The following CDH13 variants were observed in gnomAD, a reference collection of about 807,000 sequenced individuals.
CDH13 encodes the protein cadherin-13.
In CDH13, 24 loss-of-function variants were observed where a neutral mutation model predicts 63.8. That is an observed-to-expected ratio of 0.38 (90% confidence interval 0.27 to 0.53). The LOEUF is 0.53. Ranked by LOEUF, CDH13 falls within the 20% of genes least tolerant of loss-of-function variation. The probability of loss-of-function intolerance (pLI) is 0.85; values close to 1 mark genes in which losing one functional copy is unlikely to be tolerated. For missense variants in CDH13, 1,049 were observed against 903.1 expected (o/e 1.16, Z -2.07); for synonymous variants, 503 against 355.3 (o/e 1.42, Z -4.67).
intron 11 of CDH13, among the ~76,000 whole-genome samples, chr16:83,758,705 T>C (rs1258162214): frequency 6.6e-6 from 1 of 152,192 alleles, no homozygotes; most frequent in Non-Finnish European, 1.5e-5. Flanking sequence ...AAGATCAGTA[T>C]ACACAATTAA....
intron 3 of CDH13, among the ~76,000 whole-genome samples, chr16:83,087,389 G>C (rs1284467864): frequency 6.6e-6 from 1 of 152,022 alleles, no homozygotes; most frequent in African/African-American, 2.4e-5. Flanking sequence ...CTTAGCACCA[G>C]CTGGACACGG....
chr16:83,581,118 G>A (rs1905555471), intron 7 of CDH13, among the ~76,000 whole-genome samples: 1 of 152,178 alleles, frequency 6.6e-6, no homozygotes, highest in South Asian at 2.1e-4. Flanking sequence ...CAGCTGGCAT[G>A]GAAGGAGAAG....
At chr16:83,779,709 T>A (rs1473267377) in intron 11 of CDH13, among the ~76,000 whole-genome samples, 1 of 151,986 alleles carries the variant, frequency 6.6e-6, no homozygotes, top group Non-Finnish European at 1.5e-5. Context: ...AAAAATAAAG[T>A]TAGCCAGGTG....
At chr16:83,474,571 G>A (rs1476888095) in intron 6 of CDH13, among the ~76,000 whole-genome samples, 1 of 152,174 alleles carries the variant, frequency 6.6e-6, no homozygotes, top group African/African-American at 2.4e-5. Flanking sequence ...CACATCTGGT[G>A]GGTCCCACCA....
intron 6 of CDH13, among the ~76,000 whole-genome samples, chr16:83,354,511 G>A (rs1390117916): frequency 1.3e-5 from 2 of 152,146 alleles, no homozygotes; most frequent in Admixed American, 6.5e-5. Flanking sequence ...GAGGAGAAAG[G>A]TGCCAACAGA....
At chr16:83,626,823 C>A (rs1292303753) in intron 8 of CDH13, among the ~76,000 whole-genome samples, 1 of 152,170 alleles carries the variant, frequency 6.6e-6, no homozygotes, top group African/African-American at 2.4e-5. Flanking sequence ...CCCACACAGA[C>A]TCCCTGTACC....
At chr16:83,675,308 G>A (rs897667276) in intron 9 of CDH13, among the ~76,000 whole-genome samples, 2 of 152,182 alleles carry the variant, frequency 1.3e-5, no homozygotes, top group African/African-American at 4.8e-5. Flanking sequence ...TACAGCTGGA[G>A]TTAGTAGATC....
At chr16:83,454,283 T>A (rs1333509149) in intron 6 of CDH13, among the ~76,000 whole-genome samples, 1 of 152,216 alleles carries the variant, frequency 6.6e-6, no homozygotes, top group African/African-American at 2.4e-5. Context: ...GAGAAAATGA[T>A]TGAGAAGTAA....
intron 3 of CDH13, among the ~76,000 whole-genome samples, chr16:83,063,254 G>A (rs907700683): frequency 1.1e-4 from 17 of 152,174 alleles, no homozygotes; most frequent in Non-Finnish European, 2.1e-4. Flanking sequence ...GAGCTATCAC[G>A]CCCAGCCTGG....
intron 4 of CDH13, among the ~76,000 whole-genome samples, chr16:83,191,530 CATATATAT>C (rs71376303): frequency 0.011 from 783 of 74,352 alleles, 7 homozygotes; most frequent in Non-Finnish European, 0.016. Context: ...CACACACACA[CATATATAT>C]ATATATATAT....
chr16:83,162,574 A>C (rs551919384), intron 4 of CDH13, among the ~76,000 whole-genome samples: 8 of 152,230 alleles, frequency 5.3e-5, no homozygotes, highest in African/African-American at 1.9e-4. Context: ...GAGCACCCTG[A>C]GTCTGACAGT....
At chr16:83,406,604 C>T (rs534678894) in intron 6 of CDH13, among the ~76,000 whole-genome samples, 3 of 152,174 alleles carry the variant, frequency 2.0e-5, no homozygotes, top group African/African-American at 7.2e-5. Flanking sequence ...GTTGGGACTA[C>T]AGGCGCACAT....
intron 10 of CDH13, among the ~76,000 whole-genome samples, chr16:83,726,720 C>T (rs1403952571): frequency 2.6e-5 from 4 of 152,080 alleles, no homozygotes; most frequent in Non-Finnish European, 4.4e-5. Flanking sequence ...CCCCTGTAGT[C>T]CCAGCTACTC....
intron 5 of CDH13, among the ~76,000 whole-genome samples, chr16:83,234,103 G>A (rs1395558381): frequency 6.6e-6 from 1 of 152,212 alleles, no homozygotes; most frequent in Non-Finnish European, 1.5e-5. Flanking sequence ...AAGTAACTCT[G>A]GATGAACCCC....
At chr16:82,636,322 C>T (rs1597177859) in intron 1 of CDH13, among the ~76,000 whole-genome samples, 2 of 151,692 alleles carry the variant, frequency 1.3e-5, no homozygotes, top group East Asian at 3.9e-4. Flanking sequence ...CAGAACGTTC[C>T]TGGGAGAGGC....
chr16:83,286,760 A>G (rs1469277617), intron 5 of CDH13, among the ~76,000 whole-genome samples: 2 of 125,510 alleles, frequency 1.6e-5, no homozygotes, highest in Non-Finnish European at 3.5e-5. Flanking sequence ...TGTCTCAAAA[A>G]AAAAAAAATG....
chr16:83,399,946 C>G (rs2091943019), intron 6 of CDH13, among the ~76,000 whole-genome samples: 1 of 152,124 alleles, frequency 6.6e-6, no homozygotes, highest in Non-Finnish European at 1.5e-5. Context: ...ATTATAAGAA[C>G]AAACACCAAA....
chr16:83,651,931 G>A (rs1375800282), intron 8 of CDH13, among the ~76,000 whole-genome samples: 1 of 152,172 alleles, frequency 6.6e-6, no homozygotes, highest in African/African-American at 2.4e-5. Flanking sequence ...TGCCACTGGA[G>A]TGCGTCTCTC....
intron 2 of CDH13, among the ~76,000 whole-genome samples, chr16:82,950,529 A>T (rs1905185793): frequency 6.6e-6 from 1 of 152,106 alleles, no homozygotes; most frequent in Non-Finnish European, 1.5e-5. Context: ...TGGTCTCCCT[A>T]TTCGCTTGGT....
Sources: gnomAD v4.1 joint callset for allele counts (sites outside exome capture counted in the v4.1 genomes callset) on GRCh38, gnomAD v4.1.1 for gene constraint, MANE v1.5 for transcripts, NCBI Gene and HGNC (gene_info 2026-07-23, HGNC 2026-07-21) for gene names.